SSH2: variants seen among roughly 807,000 people sequenced by gnomAD.
SSH2 encodes the protein slingshot protein phosphatase 2.
Under a neutral mutation model 135.2 loss-of-function variants are expected in SSH2, and 37 were observed. The observed-to-expected ratio is 0.27, with a 90% confidence interval of 0.21 to 0.36. SSH2 has a LOEUF of 0.36. Among genes scored for constraint, SSH2 ranks in the 10% least tolerant of loss-of-function variants. The pLI is 1.00. For synonymous variants in SSH2, 628 were observed against 646.2 expected (o/e 0.97, Z 0.43); for missense variants, 1,408 against 1,765.3 (o/e 0.80, Z 3.63).
intron 2 of SSH2, among the ~76,000 whole-genome samples, chr17:29,809,959 C>G (rs1197709076): frequency 6.6e-6 from 1 of 152,152 alleles, no homozygotes; most frequent in African/African-American, 2.4e-5. Flanking sequence ...CAACCATACT[C>G]CCTCTACAGT....
At chr17:29,659,871 G>A (rs570489615) in intron 11 of SSH2, among the ~76,000 whole-genome samples, 16 of 150,164 alleles carry the variant, frequency 1.1e-4, no homozygotes, top group South Asian at 2.1e-4. Flanking sequence ...TCGCTCTATC[G>A]CCAAGGTGGA....
intron 3 of SSH2, among the ~76,000 whole-genome samples, chr17:29,769,910 A>G (rs1437532452): frequency 6.6e-6 from 1 of 151,962 alleles, no homozygotes; most frequent in Non-Finnish European, 1.5e-5. Flanking sequence ...AAACTCCCCA[A>G]ATACTTCTCT....
chr17:29,744,618 C>T (rs138290018), intron 3 of SSH2, among the ~76,000 whole-genome samples: 160 of 152,178 alleles, frequency 1.1e-3, no homozygotes, highest in African/African-American at 3.6e-3. Flanking sequence ...TTATATAGAA[C>T]ATTAAATACA....
intron 3 of SSH2, among the ~76,000 whole-genome samples, chr17:29,779,468 A>C (rs2041787910): frequency 6.6e-6 from 1 of 152,210 alleles, no homozygotes; most frequent in South Asian, 2.1e-4. Flanking sequence ...AACGGCAGAT[A>C]GTTCTCTATT....
At chr17:29,660,205 G>T (rs1421928284) in intron 11 of SSH2, among the ~76,000 whole-genome samples, 1 of 151,728 alleles carries the variant, frequency 6.6e-6, no homozygotes, top group African/African-American at 2.4e-5. Context: ...GAAGACTTAG[G>T]TTCAAGTTCT....
intron 2 of SSH2, among the ~76,000 whole-genome samples, chr17:29,816,137 C>T (rs1331256718): frequency 6.6e-6 from 1 of 152,110 alleles, no homozygotes; most frequent in Non-Finnish European, 1.5e-5. Flanking sequence ...ATGTGAGCTA[C>T]CATGCCTGGC....
intron 3 of SSH2, among the ~76,000 whole-genome samples, chr17:29,748,236 A>G (rs540299540): frequency 6.6e-6 from 1 of 152,328 alleles, no homozygotes; most frequent in South Asian, 2.1e-4. Context: ...AAACAATCAC[A>G]AGGGTGGATA....
intron 3 of SSH2, among the ~76,000 whole-genome samples, chr17:29,725,808 A>C (rs1255339720): frequency 6.6e-6 from 1 of 152,174 alleles, no homozygotes; most frequent in African/African-American, 2.4e-5. Context: ...TGTGGGGCTT[A>C]AAACCTAGAT....
intron 8 of SSH2, among the ~76,000 whole-genome samples, chr17:29,675,422 C>T (rs1381095722): frequency 6.6e-6 from 1 of 152,140 alleles, no homozygotes; most frequent in African/African-American, 2.4e-5. Context: ...ATTCAAATCC[C>T]TGACTGGGGA....
chr17:29,677,325 G>A (rs757201816), intron 7 of SSH2, among the ~76,000 whole-genome samples: 15 of 152,260 alleles, frequency 9.9e-5, no homozygotes, highest in Middle Eastern at 3.4e-3. Context: ...GGGTTATACT[G>A]TAGGCTGACA....
In SSH2 at chr17:29,771,687, C is replaced by T. The variant is rs548802645; in HGVS notation, c.188+22207G>A. 3.3e-5 allele frequency among the ~76,000 whole-genome samples: 5 copies of T among 152,256 alleles called. No individual in the cohort carries two copies. The South Asian group carries it at 1.0e-3, about 32-fold the overall frequency. The stretch of plus-strand genomic sequence containing the variant: ...TAAGGGTTTTATTTTTATTTTCAAG[C>T]CTGCTCTAGACTTTCAGGAGCCAAA... On this transcript the variant is annotated intron_variant, in intron 3 of 15. Transcript: ENST00000540801.
intron 3 of SSH2, among the ~76,000 whole-genome samples, chr17:29,753,173 C>T (rs555396659): frequency 5.9e-5 from 9 of 152,034 alleles, no homozygotes; most frequent in Admixed American, 1.3e-4. Context: ...CTCAGTCACC[C>T]GGGCTGGAGT....
chr17:29,735,598 G>A (rs1390673645), intron 3 of SSH2, among the ~76,000 whole-genome samples: 1 of 151,210 alleles, frequency 6.6e-6, no homozygotes, highest in East Asian at 2.0e-4. Flanking sequence ...TAGGAGGCTT[G>A]AGACAGGAGA....
At chr17:29,843,543 GGA>G (rs1263005214) in intron 2 of SSH2, among the ~76,000 whole-genome samples, 3 of 151,038 alleles carry the variant, frequency 2.0e-5, no homozygotes, top group Non-Finnish European at 4.4e-5. Flanking sequence ...GGTGACAGAG[GGA>G]GACTCAGTCT....
intron 3 of SSH2, chr17:29,793,652 C>A (rs2729436): frequency 6.6e-6 from 2 of 303,736 alleles, no homozygotes; most frequent in Admixed American, 5.0e-5. Flanking sequence ...TTTTAAAAAA[C>A]GGAGGAAGGT....
chr17:29,685,850 T>C (rs560667774), intron 5 of SSH2, among the ~76,000 whole-genome samples: 2 of 151,644 alleles, frequency 1.3e-5, no homozygotes, highest in South Asian at 2.1e-4. Flanking sequence ...TCTTTTCTTT[T>C]TCTTTTTTTT....
At chr17:29,907,337 C>A (rs1032166368) in intron 1 of SSH2, among the ~76,000 whole-genome samples, 2 of 151,644 alleles carry the variant, frequency 1.3e-5, no homozygotes, top group Non-Finnish European at 2.9e-5. Flanking sequence ...GAAGTACACA[C>A]ACTGGGGCCT....
rs34346245 is a variant in SSH2 at position 29,785,491 on chromosome 17, A to ATTTTTT, written c.188+8397_188+8402dup. ...TAATATGTTTGAATATTGGCGTTTCATTTTTTTTTTTTTTTTTTTTTTTTG... is the reference window on the plus strand; with the variant it reads ...TAATATGTTTGAATATTGGCGTTTCATTTTTTTTTTTTTTTTTTTTTTTTTTTTTTG... On this transcript the variant is annotated intron_variant, in intron 3 of 15. Coordinates refer to ENST00000540801, the MANE Select transcript of SSH2 (RefSeq NM_001282129.2). Among the ~76,000 whole-genome samples the ATTTTTT allele has an allele frequency of 8.4e-4, 66 of 78,484 alleles. 1 individual carries two copies. Among genetic ancestry groups the ATTTTTT allele is most frequent in the African/African-American group, 2.3e-3 (44 of 18,938 alleles). 51.5% of individuals were successfully genotyped at this position (78,484 alleles called of 152,430 possible). A position where few individuals can be genotyped will look rare whatever the true frequency, so the allele number is the denominator to read the frequency against.
chr17:29,686,502 C>G (rs1427036012), intron 5 of SSH2, among the ~76,000 whole-genome samples: 1 of 151,122 alleles, frequency 6.6e-6, no homozygotes, highest in Non-Finnish European at 1.5e-5. Context: ...GCTGGGACTA[C>G]AGGCACATGC....
Sources: allele counts gnomAD v4.1 joint callset (sites outside exome capture counted in the v4.1 genomes callset), GRCh38; gene constraint gnomAD v4.1.1; transcripts MANE v1.5; gene names NCBI Gene and HGNC (gene_info 2026-07-23, HGNC 2026-07-21).